Variants in PREX1 observed in about 807,000 individuals in gnomAD.
PREX1 encodes phosphatidylinositol-3,4,5-trisphosphate dependent Rac exchange factor 1.
Under a neutral mutation model 198.3 loss-of-function variants are expected in PREX1, and 41 were observed. The ratio of observed to expected loss-of-function variants is 0.21; its 90% CI spans 0.16 to 0.27. The LOEUF (loss-of-function observed/expected upper bound fraction) is 0.27. PREX1 is among the 10% of genes least tolerant of loss of function. The probability of loss-of-function intolerance (pLI) is 1.00; values close to 1 mark genes in which losing one functional copy is unlikely to be tolerated. For synonymous variants in PREX1, 843 were observed against 887.2 expected, an observed-to-expected ratio of 0.95 and a Z score of 0.89; for missense variants, 1,620 against 2,200.7, an observed-to-expected ratio of 0.74 and a Z score of 5.28.
At chr20:48,743,832 A>G (rs2122761950) in intron 3 of PREX1, among the ~76,000 whole-genome samples, 1 of 152,282 alleles carries the variant, frequency 6.6e-6, no homozygotes, top group Non-Finnish European at 1.5e-5. Context: ...TCACGTAGAG[A>G]GTGGCTGGCC....
chr20:48,644,085 A>G (rs2089433892), intron 27 of PREX1, among the ~76,000 whole-genome samples: 1 of 152,226 alleles, frequency 6.6e-6, no homozygotes, highest in African/African-American at 2.4e-5. Context: ...CACACGCATC[A>G]CAACATTCAT....
intron 27 of PREX1, among the ~76,000 whole-genome samples, chr20:48,643,608 G>A (rs546085598): frequency 8.5e-5 from 13 of 152,284 alleles, no homozygotes; most frequent in Admixed American, 1.3e-4. Context: ...AAATGCTGGC[G>A]AGGGTCATTT....
chr20:48,703,558 C>T (rs997271638), intron 6 of PREX1, among the ~76,000 whole-genome samples: 21 of 152,354 alleles, frequency 1.4e-4, no homozygotes, highest in African/African-American at 4.6e-4. Context: ...CTGGAGCCCA[C>T]GTGCCTCCCC....
intron 1 of PREX1, among the ~76,000 whole-genome samples, chr20:48,767,706 A>T (rs2090215441): frequency 1.3e-5 from 2 of 151,780 alleles, no homozygotes; most frequent in Non-Finnish European, 2.9e-5. Context: ...GTCTCATTCC[A>T]CTGCAGCCCC....
chr20:48,720,621 T>C (rs981695505), intron 5 of PREX1, among the ~76,000 whole-genome samples: 22 of 152,056 alleles, frequency 1.4e-4, no homozygotes, highest in Admixed American at 1.3e-3. Context: ...CCATCCTACA[T>C]AAAGTCTGCT....
chr20:48,758,402 T>TG (rs1420429184), intron 1 of PREX1, among the ~76,000 whole-genome samples: 1 of 152,102 alleles, frequency 6.6e-6, no homozygotes. Flanking sequence ...CCCTCTGGTG[T>TG]GCCCTGGAGT....
intron 1 of PREX1, among the ~76,000 whole-genome samples, chr20:48,802,962 C>T (rs368036097): frequency 1.7e-4 from 26 of 152,234 alleles, no homozygotes; most frequent in African/African-American, 4.3e-4. Context: ...ACCCCCACCA[C>T]CCAGCGTGCT....
chr20:48,651,847 G>C (rs2089500734), intron 21 of PREX1, among the ~76,000 whole-genome samples: 1 of 152,226 alleles, frequency 6.6e-6, no homozygotes, highest in Non-Finnish European at 1.5e-5. Context: ...CTTCTCATCT[G>C]GGGGAATAGC....
intron 5 of PREX1, among the ~76,000 whole-genome samples, chr20:48,716,599 G>A (rs951981029): frequency 2.6e-5 from 4 of 152,206 alleles, no homozygotes; most frequent in African/African-American, 9.6e-5. Context: ...AGGATGAGCT[G>A]CAGAGGTCTA....
intron 1 of PREX1, among the ~76,000 whole-genome samples, chr20:48,755,964 G>A (rs540557388): frequency 1.1e-4 from 17 of 151,960 alleles, no homozygotes; most frequent in African/African-American, 2.2e-4. Flanking sequence ...GCTCTCTCTC[G>A]CCCACCCCAT....
At chr20:48,776,040 AG>A (rs2090259740) in intron 1 of PREX1, among the ~76,000 whole-genome samples, 2 of 152,130 alleles carry the variant, frequency 1.3e-5, no homozygotes, top group Admixed American at 1.3e-4. Flanking sequence ...TCTAACAAGC[AG>A]GGGGAAGAGA....
intron 4 of PREX1, among the ~76,000 whole-genome samples, chr20:48,727,387 G>A (rs1408402802): frequency 6.6e-6 from 1 of 151,948 alleles, no homozygotes; most frequent in African/African-American, 2.4e-5. Flanking sequence ...CAATACTTCC[G>A]CCCTGCAGCC....
intron 10 of PREX1, among the ~76,000 whole-genome samples, chr20:48,682,887 C>T (rs1469177073): frequency 6.6e-6 from 1 of 152,238 alleles, no homozygotes; most frequent in Non-Finnish European, 1.5e-5. Context: ...AGCTGTCCCG[C>T]CTCCAATTAC....
intron 7 of PREX1, among the ~76,000 whole-genome samples, chr20:48,697,332 G>T (rs2089852031): frequency 6.6e-6 from 1 of 151,738 alleles, no homozygotes; most frequent in African/African-American, 2.4e-5. Flanking sequence ...GACATAATTT[G>T]CTCAAGGTAG....
At chr20:48,661,680 G>A (rs950936093) in intron 15 of PREX1, among the ~76,000 whole-genome samples, 5 of 151,174 alleles carry the variant, frequency 3.3e-5, no homozygotes, top group African/African-American at 1.2e-4. Flanking sequence ...ACCTCCCAGT[G>A]CCAGGCACAC....
At chr20:48,748,724 G>T (rs1332110095) in intron 1 of PREX1, among the ~76,000 whole-genome samples, 1 of 152,194 alleles carries the variant, frequency 6.6e-6, no homozygotes, top group Non-Finnish European at 1.5e-5. Context: ...CGACACCAGG[G>T]CAGGAGTGAC....
At chr20:48,821,285 T>C (rs2090483426) in intron 1 of PREX1, among the ~76,000 whole-genome samples, 1 of 152,154 alleles carries the variant, frequency 6.6e-6, no homozygotes, top group African/African-American at 2.4e-5. Flanking sequence ...TCTTCCCAGG[T>C]ATCTGGGGAT....
At chr20:48,803,855 T>C (rs999406211) in intron 1 of PREX1, among the ~76,000 whole-genome samples, 1 of 152,234 alleles carries the variant, frequency 6.6e-6, no homozygotes, top group African/African-American at 2.4e-5. Context: ...TGGATCCAAC[T>C]GTGCCTGAGG....
the PREX1 span, among the ~76,000 whole-genome samples, chr20:48,859,886 C>T: frequency 4.8e-4 from 73 of 152,196 alleles, no homozygotes; most frequent in East Asian, 0.011. Context: ...GGCATGGTGG[C>T]GCATGCTTGT....
Sources: allele counts gnomAD v4.1 joint callset (sites outside exome capture counted in the v4.1 genomes callset), GRCh38; gene constraint gnomAD v4.1.1; transcripts MANE v1.5; gene names NCBI Gene and HGNC (gene_info 2026-07-23, HGNC 2026-07-21).